Variants in KIFC3 observed in about 807,000 individuals in gnomAD.
KIFC3 encodes the protein kinesin family member C3.
Under a neutral mutation model 101.8 loss-of-function variants are expected in KIFC3, and 60 were observed. That is an observed-to-expected ratio of 0.59 (90% CI 0.48 to 0.73). The LOEUF (loss-of-function observed/expected upper bound fraction) is 0.73, where lower values mean the gene tolerates loss of function less well. Ranked by LOEUF, KIFC3 falls within the 30% of genes least tolerant of loss-of-function variation. The pLI, the probability that KIFC3 is intolerant of heterozygous loss-of-function variation, is 0.00. For synonymous variants in KIFC3, 476 were observed against 482.7 expected, an observed-to-expected ratio of 0.99 and a Z score of 0.18; for missense variants, 966 against 1,137.1, an observed-to-expected ratio of 0.85 and a Z score of 2.16.
chr16:57,860,628 G>A (rs1317209791), intron 1 of KIFC3, among the ~76,000 whole-genome samples: 2 of 152,156 alleles, frequency 1.3e-5, no homozygotes, highest in African/African-American at 4.8e-5. Flanking sequence ...AGAGTATAGC[G>A]AAGTTAAGAT....
chr16:57,851,428 T>G (rs952957000), intron 1 of KIFC3, among the ~76,000 whole-genome samples: 1 of 152,232 alleles, frequency 6.6e-6, no homozygotes, highest in East Asian at 1.9e-4. Flanking sequence ...AGATTTTTCT[T>G]GTGTTTATTT....
chr16:57,765,565 A>G lies in KIFC3; in HGVS notation c.1406T>C (p.Val469Ala). Residue 469 changes from valine (V) to alanine (A), a missense_variant, in exon 11 of 20, where the codon GTG becomes GCG. Val to Ala is a moderately conservative substitution (Grantham distance 64). Coordinates refer to ENST00000445690, the MANE Select transcript of KIFC3 (RefSeq NM_001130100.2). The part of the protein sequence containing the change: ...DGEGPEATNA[V>A]TFDADDDSII... Reference sequence around the variant, plus strand: ...GGAGTCGTCGTCGGCATCGAAAGTCACAGCATTGGTGGCCTCAGGTCCTTC... The same window carrying G: ...GGAGTCGTCGTCGGCATCGAAAGTCGCAGCATTGGTGGCCTCAGGTCCTTC... The G allele has an allele frequency of 6.2e-7, 1 of 1,609,218 alleles. No individual in the cohort carries two copies. The highest frequency in any genetic ancestry group is 8.5e-7 in the Non-Finnish European group (1 of 1,177,656).
intron 1 of KIFC3, among the ~76,000 whole-genome samples, chr16:57,814,971 C>T (rs1598196438): frequency 6.6e-6 from 1 of 152,180 alleles, no homozygotes; most frequent in Non-Finnish European, 1.5e-5. Flanking sequence ...ACAGCAGACA[C>T]TCAAACTCAG....
At chr16:57,778,468 T>A (rs1555612929) in intron 3 of KIFC3, among the ~76,000 whole-genome samples, 1 of 152,146 alleles carries the variant, frequency 6.6e-6, no homozygotes, top group African/African-American at 2.4e-5. Flanking sequence ...AAAACTTTTG[T>A]ATAACAAAGG....
At chr16:57,855,119 CTTTTTT>C (rs1229988962) in intron 1 of KIFC3, among the ~76,000 whole-genome samples, 1 of 105,066 alleles carries the variant, frequency 9.5e-6, no homozygotes, top group Admixed American at 1.1e-4. Context: ...CCATTTCTTT[CTTTTTT>C]TTTTTTTTTT....
In KIFC3 at chr16:57,791,878, A is replaced by C. The variant is rs113142131; in HGVS notation, c.315+3121T>G. Reference sequence around the variant, plus strand: ...TTTTCTAACAGATTTGAACAGATAAAAGAAGAAACTTTTGGTTCAGTTTTC... The same window carrying C: ...TTTTCTAACAGATTTGAACAGATAACAGAAGAAACTTTTGGTTCAGTTTTC... On this transcript the variant is annotated intron_variant, in intron 3 of 19. Transcript: ENST00000445690. 8.9e-3 allele frequency among the ~76,000 whole-genome samples: 1,353 copies of C among 152,340 alleles called. 10 individuals carry two copies. Among genetic ancestry groups the C allele is most frequent in the African/African-American group, 0.03 (1,235 of 41,574 alleles).
At chr16:57,781,003 G>C (rs1555614289) in intron 3 of KIFC3, among the ~76,000 whole-genome samples, 4 of 151,864 alleles carry the variant, frequency 2.6e-5, no homozygotes, top group Non-Finnish European at 5.9e-5. Flanking sequence ...GTTCACTCTT[G>C]AGGTGCAGGG....
At chr16:57,774,888 C>T (rs764810870) in intron 3 of KIFC3, 2 of 1,415,094 alleles carry the variant, frequency 1.4e-6, no homozygotes, top group African/African-American at 2.9e-5. Context: ...CATAAGTGAA[C>T]TGACTTCCTC....
intron 1 of KIFC3, among the ~76,000 whole-genome samples, chr16:57,808,961 A>G (rs1453033335): frequency 1.3e-5 from 2 of 152,136 alleles, no homozygotes; most frequent in Admixed American, 6.5e-5. Context: ...GGAGGCAAAG[A>G]CCGGATAGAA....
chr16:57,766,372 G>A (rs1013770990), intron 10 of KIFC3, among the ~76,000 whole-genome samples: 2 of 152,186 alleles, frequency 1.3e-5, no homozygotes, highest in South Asian at 2.1e-4. Flanking sequence ...CCTGGAAGGG[G>A]GCAGGGTTGG....
chr16:57,814,221 C>A (rs1333396368), intron 1 of KIFC3, among the ~76,000 whole-genome samples: 1 of 152,144 alleles, frequency 6.6e-6, no homozygotes, highest in East Asian at 1.9e-4. Context: ...CCCCATATCC[C>A]CACCTGCAGC....
At chr16:57,809,263 C>G (rs2055011648) in intron 1 of KIFC3, among the ~76,000 whole-genome samples, 1 of 152,134 alleles carries the variant, frequency 6.6e-6, no homozygotes, top group East Asian at 1.9e-4. Flanking sequence ...TGGGGCGCAC[C>G]TAGCACTCAA....
intron 1 of KIFC3, among the ~76,000 whole-genome samples, chr16:57,847,760 TTG>T (rs35081728): frequency 0.19 from 26,177 of 139,402 alleles, 2,259 homozygotes; most frequent in South Asian, 0.22. Context: ...CCAGATGAAT[TTG>T]TGTGTGTGTG....
Position 57,802,248 on chromosome 16 carries a change from A to C in KIFC3, c.-40+122T>G. ...CCCGGGCCTTTCCCTCCCCGCGCCCATAGCGGGTCCGGGCAGAGGGGTCCC... is the reference window on the plus strand; with the variant it reads ...CCCGGGCCTTTCCCTCCCCGCGCCCCTAGCGGGTCCGGGCAGAGGGGTCCC... On this transcript the variant is annotated intron_variant, in intron 1 of 19. Coordinates refer to ENST00000445690, the MANE Select transcript of KIFC3 (RefSeq NM_001130100.2). This position sits in a 1 kb window ranked among gnomAD's most constrained non-coding sequence, Gnocchi z 5.0. 1 of 423,582 alleles carries C rather than the reference A, an allele frequency of 2.4e-6. No homozygotes were observed. The highest frequency in any genetic ancestry group is 3.2e-6 in the Non-Finnish European group (1 of 316,528). 26.2% of individuals were successfully genotyped at this position (423,582 alleles called of 1,614,324 possible). A position where few individuals can be genotyped will look rare whatever the true frequency, so the allele number is the denominator to read the frequency against.
At position 57,772,239 on chromosome 16, in the gene KIFC3, C is replaced by A; in HGVS notation, c.365G>T (p.Arg122Leu). The A allele has an allele frequency of 1.9e-6, 3 of 1,613,666 alleles. No homozygotes were observed. The South Asian group carries it at 3.3e-5, about 18-fold the overall frequency. The change falls in exon 4 of 20, where the codon CGA becomes CTA. Residue 122 changes from arginine to leucine, a missense_variant. Transcript: ENST00000445690. Reference sequence around the variant, plus strand: ...TGGCCTCACCAGCTCAGATCGCAGTCGGCTCACTTCCTGGGCCTGGCTAAT... The same window carrying A: ...TGGCCTCACCAGCTCAGATCGCAGTAGGCTCACTTCCTGGGCCTGGCTAAT... ...KLISQAQEVS[R>L]LRSELGGTDL...
Position 57,798,055 on chromosome 16 carries a change from T to TA in KIFC3, c.172+16dup. The TA allele has an allele frequency of 1.3e-6, 2 of 1,587,040 alleles. No individual in the cohort carries two copies. Among genetic ancestry groups the TA allele is most frequent in the Admixed American group, 1.8e-5 (1 of 57,034 alleles). On this transcript the variant is annotated intron_variant, in intron 2 of 19. Coordinates refer to ENST00000445690, the MANE Select transcript of KIFC3 (RefSeq NM_001130100.2). ...AAGGAAGGGAAATAAAGAGGCATTT[T>TA]AAAAATGCGGACTCACCAGTTCTCA...
chr16:57,782,678 T>A (rs1243399678), intron 3 of KIFC3, among the ~76,000 whole-genome samples: 3 of 152,224 alleles, frequency 2.0e-5, no homozygotes, highest in African/African-American at 7.2e-5. Flanking sequence ...GCGCGGTGGC[T>A]CACGCCTGTA....
Position 57,795,121 on chromosome 16 carries a change from C to A in KIFC3, c.193G>T (p.Val65Phe). 6.2e-7 allele frequency: 1 copy of A among 1,611,614 alleles called. No homozygotes were observed. Among genetic ancestry groups the A allele is most frequent in the Non-Finnish European group, 8.5e-7 (1 of 1,179,032 alleles). Residue 65 changes from valine (V) to phenylalanine (F), a missense_variant, in exon 3 of 20, where the codon GTC (valine) becomes TTC (phenylalanine). Around this residue, in one of 2 missense-constraint regions of KIFC3, gnomAD observed 277 missense variants for 252.5 expected, o/e 1.10. Coordinates refer to ENST00000445690, the MANE Select transcript of KIFC3 (RefSeq NM_001130100.2). ...GCACTGGAGTCCTCGTCACCGCAGA[C>A]TGGGGTATCTTTTCCACGCCCTGTC... ...LRTGRGKDTPVCGDEDSSARS... is the reference protein window; with the variant it reads ...LRTGRGKDTPFCGDEDSSARS...
intron 4 of KIFC3, 108 bp downstream of exon 4, chr16:57,772,115 G>C (rs949076156): frequency 2.5e-5 from 22 of 890,356 alleles, no homozygotes; most frequent in Admixed American, 4.3e-5. Flanking sequence ...GACAGGGTGG[G>C]ATATGCGGGC....
Sources: allele counts gnomAD v4.1 joint callset (sites outside exome capture counted in the v4.1 genomes callset), GRCh38; gene constraint gnomAD v4.1.1; regional missense constraint gnomAD v4.1.1; non-coding constraint Gnocchi (gnomAD v3.1); transcripts MANE v1.5; gene names NCBI Gene and HGNC (gene_info 2026-07-23, HGNC 2026-07-21).